Variants in TDRKH observed in about 807,000 individuals in gnomAD.
TDRKH encodes the protein tudor and KH domain-containing protein.
Under a neutral mutation model 61.3 loss-of-function variants are expected in TDRKH, and 28 were observed. That is an observed-to-expected ratio of 0.46 (90% CI 0.34 to 0.63). The LOEUF is 0.63. TDRKH is among the 20% of genes least tolerant of loss of function. The pLI is 0.01. For missense variants in TDRKH, 540 were observed against 683.4 expected (o/e 0.79, Z 2.34); for synonymous variants, 219 against 244.4 (o/e 0.90, Z 0.97).
At position 151,783,078 on chromosome 1, in the gene TDRKH, G is replaced by A; in HGVS notation, c.-27-29C>T. ...AAACAAGCAAAGCAGGGAAAAGAGG[G>A]AGGTTTCATCCAATCCTTTTATGAA... On this transcript the variant is annotated intron_variant, in intron 1 of 12. Transcript: ENST00000368824. 4.4e-6 allele frequency: 7 copies of A among 1,589,590 alleles called. No individual in the cohort carries two copies. The East Asian group carries it at 9.2e-5, about 21-fold the overall frequency.
chr1:151,788,622 G>A (rs908335219), intron 1 of TDRKH, among the ~76,000 whole-genome samples: 2 of 152,156 alleles, frequency 1.3e-5, no homozygotes, highest in Non-Finnish European at 2.9e-5. Context: ...GGGAAACTGC[G>A]GCTAAGGGAT....
chr1:151,769,904 C>T (rs527298368), downstream of TDRKH, among the ~76,000 whole-genome samples: 1 of 151,934 alleles, frequency 6.6e-6, no homozygotes, highest in South Asian at 2.1e-4. Flanking sequence ...GAAACCCCGT[C>T]TCCACCAAAA....
Position 151,781,530 on chromosome 1 carries a change from T to C in TDRKH, c.182A>G (p.Gln61Arg), listed in dbSNP as rs777958735. ...DDIEIEMRVP[Q>R]EAVKLIIGRQ... ...GCCAATGATGAGTTTCACAGCCTCC[T>C]GGGGAACCCGCATCTCTATCTCAAT... The change falls in exon 3 of 13, where the codon CAG becomes CGG. Residue 61 changes from glutamine (Q) to arginine (R), a missense_variant. Gln to Arg is a conservative substitution (Grantham distance 43). Transcript: ENST00000368824. 2.8e-5 allele frequency: 45 copies of C among 1,613,460 alleles called. No individual in the cohort carries two copies. Among genetic ancestry groups the C allele is most frequent in the Non-Finnish European group, 3.6e-5 (43 of 1,179,846 alleles).
chr1:151,768,820 G>A (rs567043692), downstream of TDRKH, among the ~76,000 whole-genome samples: 233 of 152,176 alleles, frequency 1.5e-3, no homozygotes, highest in African/African-American at 5.2e-3. Flanking sequence ...GCGGCCTTCC[G>A]CAGTGTTTGT....
chr1:151,776,109 G>A lies in TDRKH; in HGVS notation c.1204C>T (p.Leu402Phe). 4 of 1,613,564 alleles carry A rather than the reference G, an allele frequency of 2.5e-6. No individual in the cohort carries two copies. The highest frequency in any genetic ancestry group is 3.4e-6 in the Non-Finnish European group (4 of 1,179,684). ...CTCAGCACTGACCTGAGAGCCCTGAGGTCCTTCAGTGGGCAATCTCCATTA... is the reference window on the plus strand; with the variant it reads ...CTCAGCACTGACCTGAGAGCCCTGAAGTCCTTCAGTGGGCAATCTCCATTA... The part of the protein sequence containing the change: ...GDNGDCPLKD[L>F]RALRSDFLSL... Residue 402 changes from leucine to phenylalanine, a missense_variant, in exon 8 of 13, where the codon CTC becomes TTC. Transcript: ENST00000368824.
chr1:151,771,350 TG>T (rs201991085), downstream of TDRKH: 12 of 1,451,948 alleles, frequency 8.3e-6, no homozygotes, highest in East Asian at 2.6e-5. Context: ...CACGGTTTCT[TG>T]GGGGGGTGGG....
At chr1:151,766,957 G>T, downstream of TDRKH, 8 of 1,459,892 alleles carry the variant, frequency 5.5e-6, no homozygotes, top group Non-Finnish European at 7.5e-6. Context: ...GAATTTGAAA[G>T]AATTTCCCAA....
At chr1:151,775,320 G>A in intron 10 of TDRKH, 72 bp downstream of exon 10, 1 of 1,566,446 alleles carries the variant, frequency 6.4e-7, no homozygotes, top group Non-Finnish European at 8.6e-7. Context: ...AAGGGTTTCT[G>A]AGGAAGAAAA....
chr1:151,767,432 C>T, downstream of TDRKH: 1 of 1,465,358 alleles, frequency 6.8e-7, no homozygotes, highest in Non-Finnish European at 9.0e-7. Context: ...GTAAAAGCTA[C>T]TTGCTATATA....
At position 151,776,277 on chromosome 1, in the gene TDRKH, G is replaced by A; in HGVS notation, c.1045-9C>T. 1 of 1,611,866 alleles carries A rather than the reference G, an allele frequency of 6.2e-7. No homozygotes were observed. The highest frequency in any genetic ancestry group is 8.5e-7 in the Non-Finnish European group (1 of 1,178,582). On this transcript the variant is annotated splice_polypyrimidine_tract_variant and intron_variant, in intron 7 of 12. Transcript: ENST00000368824. Reference sequence around the variant, plus strand: ...ACAGTCAAGTCTTCAGGCTGTATGTGGGGAGGAGGAGAAAGGCAGAGAGTT... The same window carrying A: ...ACAGTCAAGTCTTCAGGCTGTATGTAGGGAGGAGGAGAAAGGCAGAGAGTT...
Position 151,780,108 on chromosome 1 carries a change from C to T in TDRKH, c.264G>A (p.Val88=), listed in dbSNP as rs756924464. ...LRKQTGARID[V]DTEDVGDERV... ...GCTCATCGCCTACATCCTCTGTGTC[C>T]ACATCAATCCGAGCACCTGTCTGTT... The change falls in exon 4 of 13, where the codon GTG becomes GTA. Residue 88 remains valine (V), a synonymous_variant. Transcript: ENST00000368824. 9 of 1,613,102 alleles carry T rather than the reference C, an allele frequency of 5.6e-6. No individual in the cohort carries two copies. The highest frequency in any genetic ancestry group is 1.7e-5 in the Admixed American group (1 of 59,988).
rs745400376 is a variant in TDRKH at position 151,774,816 on chromosome 1, TGAAAACAG to T, written c.1537-18_1537-11del. On this transcript the variant is annotated splice_polypyrimidine_tract_variant and intron_variant, in intron 11 of 12. Coordinates refer to ENST00000368824, the MANE Select transcript of TDRKH (RefSeq NM_001083965.2). Reference sequence around the variant, plus strand: ...CATCTGTTTCTGTGGCCTGAGTGGATGAAAACAGGAAAAAAGGAGGAACATGTTGGCTT... The same window carrying T: ...CATCTGTTTCTGTGGCCTGAGTGGATGAAAAAAGGAGGAACATGTTGGCTT... The T allele has an allele frequency of 1.2e-6, 2 of 1,613,568 alleles. No homozygotes were observed. Among genetic ancestry groups the T allele is most frequent in the Non-Finnish European group, 1.7e-6 (2 of 1,179,740 alleles).
At chr1:151,780,985 T>C (rs1327189963) in intron 3 of TDRKH, among the ~76,000 whole-genome samples, 2 of 152,060 alleles carry the variant, frequency 1.3e-5, no homozygotes, top group East Asian at 3.9e-4. Context: ...CTAAAAAGTT[T>C]AGTTAGCTAA....
chr1:151,770,168 C>T (rs1648616229), downstream of TDRKH: 1 of 1,613,514 alleles, frequency 6.2e-7, no homozygotes, highest in African/African-American at 1.3e-5. Flanking sequence ...TCTGTGGCTC[C>T]TAGTTTGACT....
downstream of TDRKH, chr1:151,771,352 G>C (rs75093131): frequency 0.011 from 16,211 of 1,486,116 alleles, 124 homozygotes; most frequent in Middle Eastern, 0.024. Flanking sequence ...CGGTTTCTTG[G>C]GGGGGTGGGT....
rs766579094 is a variant in TDRKH, at chr1:151,776,105, C to T, written c.1208G>A (p.Arg403Lys). The part of the protein sequence containing the change: ...DNGDCPLKDL[R>K]ALRSDFLSLP... ...TGACCTCAGCACTGACCTGAGAGCC[C>T]TGAGGTCCTTCAGTGGGCAATCTCC... The change falls in exon 8 of 13, where the codon AGG becomes AAG. Residue 403 changes from arginine to lysine, a missense_variant. Coordinates refer to ENST00000368824, the MANE Select transcript of TDRKH (RefSeq NM_001083965.2). 1.2e-6 allele frequency: 2 copies of T among 1,613,104 alleles called. No individual in the cohort carries two copies. Among genetic ancestry groups the T allele is most frequent in the Non-Finnish European group, 1.7e-6 (2 of 1,179,518 alleles).
chr1:151,769,065 T>C (rs2101557187), downstream of TDRKH, among the ~76,000 whole-genome samples: 1 of 151,920 alleles, frequency 6.6e-6, no homozygotes, highest in East Asian at 1.9e-4. Flanking sequence ...TCTACTTCTT[T>C]CTACACAGAC....
At chr1:151,784,824 C>A (rs988014341) in intron 1 of TDRKH, among the ~76,000 whole-genome samples, 7 of 152,102 alleles carry the variant, frequency 4.6e-5, no homozygotes, top group Non-Finnish European at 1.0e-4. Context: ...CCTTTCTCAA[C>A]TGCCTACATG....
chr1:151,773,888 A>C lies in TDRKH; in HGVS notation c.*564T>G, dbSNP rs1476485310. 6.6e-6 allele frequency: 1 copy of C among 152,256 alleles called. No homozygotes were observed. Among genetic ancestry groups the C allele is most frequent in the Admixed American group, 6.5e-5 (1 of 15,274 alleles). The allele number at this position is 152,256 out of a possible 1,614,324, so 9.4% of individuals were successfully genotyped here. A position where few individuals can be genotyped will look rare whatever the true frequency, so the allele number is the denominator to read the frequency against. On this transcript the variant is annotated 3_prime_UTR_variant, in exon 13 of 13. Transcript: ENST00000368824. ...GATAAGGTGAGTCAGAAGTCTGCAG[A>C]ATCACTTCCAATGACGAAAGCCTGA...
Sources: gnomAD v4.1 joint callset for allele counts (sites outside exome capture counted in the v4.1 genomes callset) on GRCh38, gnomAD v4.1.1 for gene constraint, MANE v1.5 for transcripts, NCBI Gene and HGNC (gene_info 2026-07-23, HGNC 2026-07-21) for gene names.